The following ERBB4 variants were observed in gnomAD, a reference collection of about 807,000 sequenced individuals.
The protein encoded by ERBB4 is erb-b2 receptor tyrosine kinase 4.
Under a neutral mutation model 158.0 loss-of-function variants are expected in ERBB4, and 42 were observed. The ratio of observed to expected loss-of-function variants is 0.27; its 90% confidence interval spans 0.21 to 0.34. ERBB4 has a LOEUF of 0.34. Among genes scored for constraint, ERBB4 ranks in the 10% least tolerant of loss-of-function variants. ERBB4 has a pLI of 1.00. For synonymous variants in ERBB4, 583 were observed against 558.7 expected, an observed-to-expected ratio of 1.04 and a Z score of -0.61; for missense variants, 1,333 against 1,624.1, an observed-to-expected ratio of 0.82 and a Z score of 3.08.
intron 20 of ERBB4, among the ~76,000 whole-genome samples, chr2:211,468,562 T>C (rs1042902624): frequency 6.6e-6 from 1 of 152,196 alleles, no homozygotes; most frequent in Admixed American, 6.5e-5. Context: ...AATGTAGTTC[T>C]TGTGAAATAA....
intron 3 of ERBB4, among the ~76,000 whole-genome samples, chr2:211,918,977 G>T (rs1342883815): frequency 6.6e-6 from 1 of 152,012 alleles, no homozygotes; most frequent in Admixed American, 6.6e-5. Flanking sequence ...AACTGCTGTG[G>T]TTTTTCTCCT....
intron 14 of ERBB4, among the ~76,000 whole-genome samples, chr2:211,668,048 A>G (rs2071695429): frequency 6.6e-6 from 1 of 152,206 alleles, no homozygotes; most frequent in Non-Finnish European, 1.5e-5. Context: ...GCCATATGGT[A>G]TAGCCTTTTG....
intron 20 of ERBB4, among the ~76,000 whole-genome samples, chr2:211,530,360 A>G (rs2066462258): frequency 6.6e-6 from 1 of 152,116 alleles, no homozygotes. Flanking sequence ...ACCAAAATTG[A>G]AAAGATACTC....
chr2:212,002,599 C>A (rs1346137120), intron 2 of ERBB4, among the ~76,000 whole-genome samples: 2 of 151,956 alleles, frequency 1.3e-5, no homozygotes, highest in Non-Finnish European at 2.9e-5. Flanking sequence ...ATAATACAGG[C>A]AACAAACAAA....
chr2:211,585,598 A>G (rs2068252949), intron 19 of ERBB4, among the ~76,000 whole-genome samples: 1 of 152,082 alleles, frequency 6.6e-6, no homozygotes, highest in Non-Finnish European at 1.5e-5. Flanking sequence ...CTTCAATATT[A>G]TTTTTCAAGT....
chr2:211,476,362 A>C (rs2064953918), intron 20 of ERBB4, among the ~76,000 whole-genome samples: 1 of 152,118 alleles, frequency 6.6e-6, no homozygotes, highest in Non-Finnish European at 1.5e-5. Context: ...TTTGTGAGAC[A>C]AAAGAGAATC....
chr2:211,602,719 G>A (rs2068838221), intron 19 of ERBB4, among the ~76,000 whole-genome samples: 1 of 152,042 alleles, frequency 6.6e-6, no homozygotes, highest in Admixed American at 6.6e-5. Context: ...TCTATCTCCT[G>A]ATTGGGCATA....
At chr2:212,493,649 A>T (rs1690404748) in intron 1 of ERBB4, among the ~76,000 whole-genome samples, 3 of 151,738 alleles carry the variant, frequency 2.0e-5, no homozygotes, top group Admixed American at 2.0e-4. Context: ...AAGCATTAAC[A>T]TTAGAATTCA....
intron 1 of ERBB4, among the ~76,000 whole-genome samples, chr2:212,263,817 ATAAT>A (rs2085032957): frequency 6.6e-6 from 1 of 151,782 alleles, no homozygotes; most frequent in Admixed American, 6.6e-5. Context: ...CTTTTTTTTC[ATAAT>A]TAGATTCTCT....
chr2:212,490,524 CAG>C (rs1039551784), intron 1 of ERBB4, among the ~76,000 whole-genome samples: 1 of 151,650 alleles, frequency 6.6e-6, no homozygotes, highest in Non-Finnish European at 1.5e-5. Context: ...GTTAAAAAAC[CAG>C]AGTCCTCACT....
intron 20 of ERBB4, among the ~76,000 whole-genome samples, chr2:211,478,887 T>C (rs933534556): frequency 4.6e-5 from 7 of 152,162 alleles, no homozygotes; most frequent in Admixed American, 3.9e-4. Flanking sequence ...CACAGCATAA[T>C]ATTGAAACTC....
At chr2:211,674,237 G>A (rs2071966538) in intron 13 of ERBB4, among the ~76,000 whole-genome samples, 2 of 152,020 alleles carry the variant, frequency 1.3e-5, no homozygotes, top group Non-Finnish European at 2.9e-5. Context: ...GTGCTTTTGT[G>A]TCCTGTGTTA....
At chr2:212,231,682 A>T (rs2083670996) in intron 1 of ERBB4, among the ~76,000 whole-genome samples, 1 of 152,216 alleles carries the variant, frequency 6.6e-6, no homozygotes, top group Non-Finnish European at 1.5e-5. Flanking sequence ...AAATTAGGAT[A>T]GATAAGACCC....
In ERBB4 at chr2:212,124,916, G is replaced by T. The variant is rs1242823515; in HGVS notation, c.83-13C>A. 1 of 1,613,900 alleles carries T rather than the reference G, an allele frequency of 6.2e-7. No homozygotes were observed. The highest frequency in any genetic ancestry group is 8.5e-7 in the Non-Finnish European group (1 of 1,179,906). Reference sequence around the variant, plus strand: ...GTTCCTGCACACACTGCAAAGACAAGAAGATACACGTGAAATTACATAACC... The same window carrying T: ...GTTCCTGCACACACTGCAAAGACAATAAGATACACGTGAAATTACATAACC... On this transcript the variant is annotated splice_polypyrimidine_tract_variant and intron_variant, in intron 1 of 27. Transcript: ENST00000342788.
intron 20 of ERBB4, among the ~76,000 whole-genome samples, chr2:211,487,976 C>G (rs2065248163): frequency 6.6e-6 from 1 of 151,994 alleles, no homozygotes; most frequent in Admixed American, 6.6e-5. Flanking sequence ...TACATGACTA[C>G]TCATGAACAG....
intron 20 of ERBB4, among the ~76,000 whole-genome samples, chr2:211,547,863 C>G (rs2066983164): frequency 6.6e-6 from 1 of 151,916 alleles, no homozygotes; most frequent in Non-Finnish European, 1.5e-5. Context: ...GAATAAAAAC[C>G]CTTTGCCATT....
intron 7 of ERBB4, among the ~76,000 whole-genome samples, chr2:211,721,930 T>G (rs1252496817): frequency 6.6e-6 from 1 of 152,130 alleles, no homozygotes; most frequent in Non-Finnish European, 1.5e-5. Flanking sequence ...TGGCACCGTC[T>G]CGGCTCACTG....
chr2:211,972,685 G>A (rs942083826), intron 2 of ERBB4, among the ~76,000 whole-genome samples: 1 of 152,172 alleles, frequency 6.6e-6, no homozygotes. Context: ...ATGGTAGTGG[G>A]ATAACTGGCC....
chr2:211,822,080 T>C (rs1247217166), intron 3 of ERBB4, among the ~76,000 whole-genome samples: 2 of 151,856 alleles, frequency 1.3e-5, no homozygotes, highest in Non-Finnish European at 2.9e-5. Context: ...ATCTCACTAG[T>C]GGAAGCTAAA....
Sources: allele counts gnomAD v4.1 joint callset (sites outside exome capture counted in the v4.1 genomes callset), GRCh38; gene constraint gnomAD v4.1.1; transcripts MANE v1.5; gene names NCBI Gene and HGNC (gene_info 2026-07-23, HGNC 2026-07-21).